ZNF202: variants seen among roughly 807,000 people sequenced by gnomAD.
The protein encoded by ZNF202 is zinc finger protein with KRAB and SCAN domains 10.
A neutral mutation model predicts 54.5 loss-of-function variants in ZNF202; 22 were observed. The ratio of observed to expected loss-of-function variants is 0.40; its 90% CI spans 0.29 to 0.58. The LOEUF (loss-of-function observed/expected upper bound fraction) is 0.58. Among genes scored for constraint, ZNF202 ranks in the 20% least tolerant of loss-of-function variants. The pLI is 0.39. For missense variants in ZNF202, 644 were observed against 805.5 expected (o/e 0.80, Z 2.43); for synonymous variants, 294 against 301.4 (o/e 0.98, Z 0.26).
Position 123,727,512 on chromosome 11 carries a change from T to C in ZNF202, c.916A>G (p.Thr306Ala). 1 of 1,614,022 alleles carries C rather than the reference T, an allele frequency of 6.2e-7. No homozygotes were observed. Among genetic ancestry groups the C allele is most frequent in the Non-Finnish European group, 8.5e-7 (1 of 1,179,988 alleles). Residue 306 changes from threonine to alanine, a missense_variant, in exon 8 of 9, where the codon ACT becomes GCT. Around this residue, in one of 3 missense-constraint regions of ZNF202, gnomAD observed 536 missense variants for 635.3 expected, o/e 0.84. Transcript: ENST00000530393. ...AAACTCAGGATTTCTGGCTCTTGAG[T>C]CTCCTGAGGCTCTTGGATATCTGGG... ...WVPDIQEPQE[T>A]QEPEILSFTY...
intron 3 of ZNF202, among the ~76,000 whole-genome samples, chr11:123,733,234 TAC>T (rs1238231060): frequency 4.6e-5 from 7 of 151,456 alleles, no homozygotes; most frequent in African/African-American, 1.4e-4. Context: ...CAAATGAGTT[TAC>T]AGTCAATGAT....
At position 123,724,733 on chromosome 11, in the gene ZNF202, T is replaced by C. The variant is rs1314820884; in HGVS notation, c.*1264A>G. 1 of 152,228 alleles carries C rather than the reference T, an allele frequency of 6.6e-6. No individual in the cohort carries two copies. Among genetic ancestry groups the C allele is most frequent in the Non-Finnish European group, 1.5e-5 (1 of 68,054 alleles). 9.4% of individuals were successfully genotyped at this position (152,228 alleles called of 1,614,324 possible). On this transcript the variant is annotated 3_prime_UTR_variant, in exon 9 of 9. Coordinates refer to ENST00000530393, the MANE Select transcript of ZNF202 (RefSeq NM_003455.4). ...TGGGCCATCATGAGATGCTACTTTC[T>C]AGCTCTATGAACATAAAATCACGTA...
intron 3 of ZNF202, among the ~76,000 whole-genome samples, chr11:123,731,225 T>A (rs2282641): frequency 0.14 from 20,896 of 152,168 alleles, 1,687 homozygotes; most frequent in East Asian, 0.27. Flanking sequence ...AATACTGCAT[T>A]TCCACTTCAC....
chr11:123,728,199 G>T lies in ZNF202; in HGVS notation c.766C>A (p.Pro256Thr), dbSNP rs1861239980. 9 of 1,613,016 alleles carry T rather than the reference G, an allele frequency of 5.6e-6. No individual in the cohort carries two copies. Among genetic ancestry groups the T allele is most frequent in the Non-Finnish European group, 7.6e-6 (9 of 1,179,452 alleles). The change falls in exon 7 of 9, where the codon CCA becomes ACA. Residue 256 changes from proline (P) to threonine (T), a missense_variant. Transcript: ENST00000530393. The part of the protein sequence containing the change: ...FSQDQWSDLD[P>T]TQKEFYGEYV... ...TCTCCATAGAACTCTTTCTGTGTTGGGTCCAGATCACTCCACTGGTCCTGG... is the reference window on the plus strand; with the variant it reads ...TCTCCATAGAACTCTTTCTGTGTTGTGTCCAGATCACTCCACTGGTCCTGG...
chr11:123,726,452 T>C lies in ZNF202; in HGVS notation c.1492A>G (p.Arg498Gly). 1 of 1,614,270 alleles carries C rather than the reference T, an allele frequency of 6.2e-7. No individual in the cohort carries two copies. Among genetic ancestry groups the C allele is most frequent in the Non-Finnish European group, 8.5e-7 (1 of 1,180,048 alleles). Residue 498 changes from arginine to glycine, a missense_variant, in exon 9 of 9, where the codon AGA (arginine) becomes GGA (glycine). Arg to Gly is a moderately radical substitution (Grantham distance 125). Transcript: ENST00000530393. This position sits in a 1 kb window ranked among gnomAD's most constrained non-coding sequence, Gnocchi z 6.0. ...KHFRWTSDLV[R>G]HQRTHTGEKP... is the part of the protein sequence containing the mutation. ...TCTCCAGTATGTGTCCTCTGATGTC[T>C]GACAAGGTCTGAAGTCCAGCGGAAG... is the stretch of plus-strand genomic sequence containing the variant.
At chr11:123,736,677 G>A (rs1181972892) in intron 3 of ZNF202, among the ~76,000 whole-genome samples, 1 of 152,148 alleles carries the variant, frequency 6.6e-6, no homozygotes, top group African/African-American at 2.4e-5. Flanking sequence ...ATGGTTAGTG[G>A]CCTTGGCACG....
chr11:123,735,267 C>T (rs764719359), intron 3 of ZNF202, among the ~76,000 whole-genome samples: 5 of 152,266 alleles, frequency 3.3e-5, no homozygotes, highest in Admixed American at 6.5e-5. Flanking sequence ...ATTGTTTTCA[C>T]GCAGCACTAG....
At chr11:123,728,016 G>A (rs778011266) in intron 7 of ZNF202, 117 bp downstream of exon 7, 3 of 1,161,596 alleles carry the variant, frequency 2.6e-6, no homozygotes, top group Non-Finnish European at 3.6e-6. Flanking sequence ...TTTTATTGGT[G>A]GGGAAGGCAT....
chr11:123,732,445 C>T (rs1427071647), intron 3 of ZNF202, among the ~76,000 whole-genome samples: 1 of 152,192 alleles, frequency 6.6e-6, no homozygotes, highest in Admixed American at 6.5e-5. Context: ...ACAAGAGTCC[C>T]GTGTTCTTTA....
At chr11:123,737,333 G>A (rs1055796023) in intron 3 of ZNF202, among the ~76,000 whole-genome samples, 2 of 152,188 alleles carry the variant, frequency 1.3e-5, no homozygotes, top group East Asian at 3.8e-4. Flanking sequence ...CACGTGACCA[G>A]TATGCTTCAA....
chr11:123,732,608 C>T (rs1861458716), intron 3 of ZNF202, among the ~76,000 whole-genome samples: 1 of 152,140 alleles, frequency 6.6e-6, no homozygotes, highest in Non-Finnish European at 1.5e-5. Flanking sequence ...TCACCTAAGT[C>T]CTCCCGTAGT....
Position 123,726,208 on chromosome 11 carries a change from G to A in ZNF202, c.1736C>T (p.Ala579Val), listed in dbSNP as rs1050129380. 2.5e-5 allele frequency: 41 copies of A among 1,614,068 alleles called. No individual in the cohort carries two copies. Among genetic ancestry groups the A allele is most frequent in the Non-Finnish European group, 3.0e-5 (35 of 1,180,038 alleles). The change falls in exon 9 of 9, where the codon GCG becomes GTG. Residue 579 changes from alanine (A) to valine (V), a missense_variant. Around this residue, in one of 3 missense-constraint regions of ZNF202, gnomAD observed 536 missense variants for 635.3 expected, o/e 0.84. Coordinates refer to ENST00000530393, the MANE Select transcript of ZNF202 (RefSeq NM_003455.4). This position sits in a 1 kb window ranked among gnomAD's most constrained non-coding sequence, Gnocchi z 6.0. ...GTGTCCTCTCAAGTGCTTGGCGAACGCTGCGCTGTGGGTGAAGCAGCGCCC... is the reference window on the plus strand; with the variant it reads ...GTGTCCTCTCAAGTGCTTGGCGAACACTGCGCTGTGGGTGAAGCAGCGCCC... ...ECGRCFTHSA[A>V]FAKHLRGHAS...
chr11:123,735,641 T>C (rs1009875689), intron 3 of ZNF202, among the ~76,000 whole-genome samples: 4 of 152,120 alleles, frequency 2.6e-5, no homozygotes, highest in Non-Finnish European at 5.9e-5. Context: ...GGAGCTTCCC[T>C]GAGGGTTTCG....
In ZNF202 at chr11:123,724,223, A is replaced by T. The variant is rs1417631710; in HGVS notation, c.*1774T>A. The T allele has an allele frequency of 6.6e-6, 1 of 152,202 alleles. No homozygotes were observed. Among genetic ancestry groups the T allele is most frequent in the Non-Finnish European group, 1.5e-5 (1 of 68,042 alleles). 9.4% of individuals were successfully genotyped at this position (152,202 alleles called of 1,614,324 possible). A position where few individuals can be genotyped will look rare whatever the true frequency, so the allele number is the denominator to read the frequency against. On this transcript the variant is annotated 3_prime_UTR_variant, in exon 9 of 9. Coordinates refer to ENST00000530393, the MANE Select transcript of ZNF202 (RefSeq NM_003455.4). ...ATCATCCCAACCCTTCCTTTCCTCA[A>T]GGAAAAATACTCTGTACTCCCAGAT...
chr11:123,731,965 T>C (rs1307939340), intron 3 of ZNF202, among the ~76,000 whole-genome samples: 1 of 152,202 alleles, frequency 6.6e-6, no homozygotes, highest in East Asian at 1.9e-4. Context: ...CTGTATCACC[T>C]GGTTATAAAA....
intron 3 of ZNF202, among the ~76,000 whole-genome samples, chr11:123,734,156 A>G (rs1489413824): frequency 6.6e-6 from 1 of 152,118 alleles, no homozygotes; most frequent in Admixed American, 6.6e-5. Context: ...ACACAGGGAG[A>G]GACAGCATGG....
chr11:123,729,973 G>T (rs1861333985), intron 4 of ZNF202, 148 bp from the exon 5 acceptor site: 1 of 803,312 alleles, frequency 1.2e-6, no homozygotes, highest in Non-Finnish European at 1.9e-6. Context: ...AATGGAGCAG[G>T]CAAGGAGGAG....
intron 3 of ZNF202, among the ~76,000 whole-genome samples, chr11:123,739,899 C>A (rs1265804115): frequency 6.6e-6 from 1 of 152,188 alleles, no homozygotes; most frequent in African/African-American, 2.4e-5. Context: ...TGGGCCCCAG[C>A]AATATGCGTT....
chr11:123,724,920 T>C lies in ZNF202; in HGVS notation c.*1077A>G, dbSNP rs773734674. ...TGGTCTTGCCAGCAACAGCTTTTTC[T>C]TATTTTCCATAATTTGGTCTTAGTC... is the stretch of plus-strand genomic sequence containing the variant. On this transcript the variant is annotated 3_prime_UTR_variant, in exon 9 of 9. Transcript: ENST00000530393. The C allele has an allele frequency of 1.3e-5, 2 of 152,262 alleles. No homozygotes were observed. The highest frequency in any genetic ancestry group is 4.8e-5 in the African/African-American group (2 of 41,472). The allele number at this position is 152,262 out of a possible 1,614,324, so 9.4% of individuals were successfully genotyped here.
Sources: gnomAD v4.1 joint callset for allele counts (sites outside exome capture counted in the v4.1 genomes callset) on GRCh38, gnomAD v4.1.1 for gene constraint, gnomAD v4.1.1 regional missense constraint, Gnocchi (gnomAD v3.1) non-coding constraint, MANE v1.5 for transcripts, NCBI Gene and HGNC (gene_info 2026-07-23, HGNC 2026-07-21) for gene names.